GPATCH2: variants seen among roughly 807,000 people sequenced by gnomAD.
GPATCH2 encodes the protein G-patch domain containing 2.
In GPATCH2, 51 loss-of-function variants were observed where a neutral mutation model predicts 58.0. That is an observed-to-expected ratio of 0.88 (90% CI 0.70 to 1.11). The LOEUF (loss-of-function observed/expected upper bound fraction) is 1.11. Ranked by LOEUF, GPATCH2 falls within the 50% of genes most tolerant of loss-of-function variation. GPATCH2 has a pLI of 0.00. For missense variants in GPATCH2, 625 were observed against 652.2 expected (o/e 0.96, Z 0.45); for synonymous variants, 222 against 218.5 (o/e 1.02, Z -0.14).
At chr1:217,454,588 CAAA>C (rs34571192) in intron 8 of GPATCH2, among the ~76,000 whole-genome samples, 1 of 59,606 alleles carries the variant, frequency 1.7e-5, no homozygotes, top group African/African-American at 7.7e-5. Flanking sequence ...GACTCTGTCT[CAAA>C]AAAAAAAAAA....
chr1:217,568,353 T>G (rs192099291), intron 5 of GPATCH2, among the ~76,000 whole-genome samples: 7 of 152,314 alleles, frequency 4.6e-5, no homozygotes, highest in Non-Finnish European at 4.4e-5. Flanking sequence ...TCAGGCACAG[T>G]GTGCTAAGGC....
intron 5 of GPATCH2, among the ~76,000 whole-genome samples, chr1:217,601,736 C>G (rs541525173): frequency 6.6e-6 from 1 of 152,146 alleles, no homozygotes; most frequent in Non-Finnish European, 1.5e-5. Flanking sequence ...AAATCATATT[C>G]TCTCCAATCA....
chr1:217,609,845 C>A, intron 5 of GPATCH2: 1 of 1,008,760 alleles, frequency 9.9e-7, no homozygotes, highest in African/African-American at 1.7e-5. Context: ...GCTTTGTTAG[C>A]ATTTTGGCAA....
intron 7 of GPATCH2, among the ~76,000 whole-genome samples, chr1:217,494,509 C>T (rs1175922996): frequency 2.0e-5 from 3 of 152,136 alleles, no homozygotes; most frequent in African/African-American, 4.8e-5. Context: ...GAGGCCATGG[C>T]GGGCGGATCA....
intron 9 of GPATCH2, among the ~76,000 whole-genome samples, chr1:217,438,119 C>T (rs1308513823): frequency 6.6e-6 from 1 of 152,174 alleles, no homozygotes; most frequent in Non-Finnish European, 1.5e-5. Context: ...CTCCAGTGAA[C>T]TCCAGGAGAC....
chr1:217,625,032 G>T (rs1489393107), intron 1 of GPATCH2, among the ~76,000 whole-genome samples: 7 of 152,138 alleles, frequency 4.6e-5, no homozygotes, highest in Non-Finnish European at 1.0e-4. Context: ...GTTTTTTCGG[G>T]TGGTATTGGA....
intron 5 of GPATCH2, among the ~76,000 whole-genome samples, chr1:217,606,146 C>T (rs1222956750): frequency 1.3e-5 from 2 of 151,786 alleles, no homozygotes; most frequent in Admixed American, 1.3e-4. Context: ...GGACCCAAAT[C>T]TCCTGAACAG....
chr1:217,613,734 T>C (rs1341695943), intron 3 of GPATCH2, among the ~76,000 whole-genome samples: 1 of 152,156 alleles, frequency 6.6e-6, no homozygotes, highest in East Asian at 1.9e-4. Flanking sequence ...AATGAATAAA[T>C]GTCACAGCTG....
chr1:217,545,927 T>C (rs908237108), intron 5 of GPATCH2, among the ~76,000 whole-genome samples: 4 of 152,200 alleles, frequency 2.6e-5, no homozygotes, highest in African/African-American at 9.6e-5. Flanking sequence ...ATTTCAATAA[T>C]TTTCTCTGGG....
intron 6 of GPATCH2, among the ~76,000 whole-genome samples, chr1:217,510,850 T>C (rs373430711): frequency 6.6e-6 from 1 of 152,022 alleles, no homozygotes; most frequent in East Asian, 1.9e-4. Flanking sequence ...CCCAGCACTC[T>C]GGGAAGCTGA....
At chr1:217,504,839 T>TAATACATGGAAAATAA (rs1295734678) in intron 6 of GPATCH2, among the ~76,000 whole-genome samples, 4 of 152,178 alleles carry the variant, frequency 2.6e-5, no homozygotes, top group African/African-American at 9.7e-5. Flanking sequence ...GAATCCAGCA[T>TAATACATGGAAAATAA]AATACATGGA....
In GPATCH2 at chr1:217,596,725, C is replaced by T. The variant is rs767608062; in HGVS notation, c.1098+13596G>A. 3.9e-5 allele frequency among the ~76,000 whole-genome samples: 6 copies of T among 151,952 alleles called. 1 individual carries two copies. The highest frequency in any genetic ancestry group is 1.9e-4 in the East Asian group (1 of 5,164). On this transcript the variant is annotated intron_variant, in intron 5 of 9. Transcript: ENST00000366935. ...ATTTAGAATCTCTCCGCCATTTTTT[C>T]GAAGTGTAAAAAGCAAGGTTAAAGT...
At chr1:217,460,382 A>G (rs1660150104) in intron 8 of GPATCH2, among the ~76,000 whole-genome samples, 1 of 152,236 alleles carries the variant, frequency 6.6e-6, no homozygotes, top group Non-Finnish European at 1.5e-5. Context: ...CAGACAGGAA[A>G]TACATTTTTT....
chr1:217,616,612 T>C (rs546174505), intron 2 of GPATCH2, among the ~76,000 whole-genome samples: 1 of 152,306 alleles, frequency 6.6e-6, no homozygotes, highest in African/African-American at 2.4e-5. Flanking sequence ...TCCGTGTACA[T>C]TATGTACGTG....
At chr1:217,587,817 A>G (rs1297079967) in intron 5 of GPATCH2, among the ~76,000 whole-genome samples, 1 of 152,218 alleles carries the variant, frequency 6.6e-6, no homozygotes, top group Non-Finnish European at 1.5e-5. Flanking sequence ...ACTAAAATAC[A>G]TAATTTAGTT....
Position 217,610,381 on chromosome 1 carries a change from A to G in GPATCH2, c.1038T>C (p.Ser346=). The change falls in exon 5 of 10, where the codon AGT becomes AGC. Residue 346 remains serine (S), a synonymous_variant. Transcript: ENST00000366935. ...PSRRGFQARL[S]RLHGMSSKNI... is the part of the protein sequence containing the mutation. ...TCTTTGAAGACATTCCATGAAGGCGACTGAGTCTAGCTTGGAAACCTGTAA... is the reference window on the plus strand; with the variant it reads ...TCTTTGAAGACATTCCATGAAGGCGGCTGAGTCTAGCTTGGAAACCTGTAA... 2 of 1,602,942 alleles carry G rather than the reference A, an allele frequency of 1.2e-6. No individual in the cohort carries two copies. The highest frequency in any genetic ancestry group is 1.7e-6 in the Non-Finnish European group (2 of 1,170,550).
intron 5 of GPATCH2, among the ~76,000 whole-genome samples, chr1:217,607,086 C>T (rs1049470736): frequency 6.6e-6 from 1 of 152,162 alleles, no homozygotes; most frequent in African/African-American, 2.4e-5. Context: ...ACTTTGCTCT[C>T]TATAAAACTA....
At chr1:217,604,688 C>A in intron 5 of GPATCH2, among the ~76,000 whole-genome samples, 1 of 152,152 alleles carries the variant, frequency 6.6e-6, no homozygotes, top group South Asian at 2.1e-4. Context: ...GTTTTCCTTT[C>A]TCTTAGACTA....
intron 8 of GPATCH2, among the ~76,000 whole-genome samples, chr1:217,454,481 C>A (rs557577831): frequency 1.7e-4 from 23 of 135,752 alleles, no homozygotes; most frequent in African/African-American, 6.3e-4. Context: ...CCCAGCTACT[C>A]GGGAGGCTGA....
Sources: allele counts gnomAD v4.1 joint callset (sites outside exome capture counted in the v4.1 genomes callset), GRCh38; gene constraint gnomAD v4.1.1; transcripts MANE v1.5; gene names NCBI Gene and HGNC (gene_info 2026-07-23, HGNC 2026-07-21).